NEURL4: variants seen among roughly 807,000 people sequenced by gnomAD.
The protein encoded by NEURL4 is neuralized E3 ubiquitin protein ligase 4.
NEURL4 carries 45 observed loss-of-function variants against 148.0 expected under a neutral mutation model. That is an observed-to-expected ratio of 0.30 (90% CI 0.24 to 0.39). NEURL4 has a LOEUF of 0.39. Among genes scored for constraint, NEURL4 ranks in the 10% least tolerant of loss-of-function variants. The probability of loss-of-function intolerance (pLI) is 1.00; values close to 1 mark genes in which losing one functional copy is unlikely to be tolerated. For synonymous variants in NEURL4, 854 were observed against 869.0 expected (o/e 0.98, Z 0.30); for missense variants, 1,776 against 2,144.0 (o/e 0.83, Z 3.39).
rs745865165 is a variant in NEURL4 at position 7,317,347 on chromosome 17, G to C, written c.4342C>G (p.Arg1448Gly). The part of the protein sequence containing the change: ...GAGTASILSC[R>G]PLKGEPGVGF... ...ACCCCAGGTTCTCCCTTCAAAGGAC[G>C]GCAGCTCAGGATGGAGGCAGTACCT... The change falls in exon 28 of 29, where the codon CGT (arginine) becomes GGT (glycine). Residue 1448 changes from arginine to glycine, a missense_variant. Transcript: ENST00000399464. The C allele has an allele frequency of 1.3e-6, 2 of 1,555,244 alleles. No homozygotes were observed. The highest frequency in any genetic ancestry group is 1.9e-5 in the Admixed American group (1 of 52,758).
chr17:7,327,366 C>A lies in NEURL4; in HGVS notation c.727+74G>T. 1 of 1,459,388 alleles carries A rather than the reference C, an allele frequency of 6.9e-7. No individual in the cohort carries two copies. The highest frequency in any genetic ancestry group is 9.3e-7 in the Non-Finnish European group (1 of 1,076,950). 90.4% of individuals were successfully genotyped at this position (1,459,388 alleles called of 1,614,324 possible). On this transcript the variant is annotated intron_variant, in intron 2 of 28. Coordinates refer to ENST00000399464, the MANE Select transcript of NEURL4 (RefSeq NM_032442.3). The surrounding 1 kb of genome is among the most constrained non-coding windows in gnomAD (Gnocchi z 6.6). ...GGGGATCAGGGTGGCCCTGCCCACA[C>A]CCAGCCTGTCTTGTCACTCTATTTC...
Position 7,324,273 on chromosome 17 carries a change from T to C in NEURL4, c.1900-3A>G. 6.2e-7 allele frequency: 1 copy of C among 1,613,862 alleles called. No homozygotes were observed. The highest frequency in any genetic ancestry group is 8.5e-7 in the Non-Finnish European group (1 of 1,179,876). ...ACCACGCCCACCGTGTCCCCTGCCT[T>C]GGAAGAAGGGGGTGCTGGAGTGAGG... is the stretch of plus-strand genomic sequence containing the variant. On this transcript the variant is annotated splice_region_variant and splice_polypyrimidine_tract_variant and intron_variant, in intron 10 of 28. Coordinates refer to ENST00000399464, the MANE Select transcript of NEURL4 (RefSeq NM_032442.3). The surrounding 1 kb of genome is among the most constrained non-coding windows in gnomAD (Gnocchi z 5.9).
chr17:7,328,045 T>C (rs995248466), intron 1 of NEURL4, among the ~76,000 whole-genome samples, 161 bp from the exon 2 acceptor site: 1 of 152,238 alleles, frequency 6.6e-6, no homozygotes, highest in African/African-American at 2.4e-5. Context: ...TTGGTAATTA[T>C]TTGGGCTTTC....
intron 21 of NEURL4, among the ~76,000 whole-genome samples, chr17:7,320,244 C>T (rs577480958): frequency 1.6e-3 from 239 of 146,150 alleles, no homozygotes; most frequent in Non-Finnish European, 3.0e-3. Context: ...GTGATCCTCC[C>T]ACCTCAGCCT....
In NEURL4 at chr17:7,327,324, T is replaced by C; in HGVS notation, c.728-94A>G. 2 of 1,451,238 alleles carry C rather than the reference T, an allele frequency of 1.4e-6. No homozygotes were observed. Among genetic ancestry groups the C allele is most frequent in the Non-Finnish European group, 1.9e-6 (2 of 1,075,598 alleles). 89.9% of individuals were successfully genotyped at this position (1,451,238 alleles called of 1,614,324 possible). ...ACCCCCCATCCTCTAGCTCCTGCTC[T>C]CCCATTCAACAGACTTGGGGATCAG... On this transcript the variant is annotated intron_variant, in intron 2 of 28. Transcript: ENST00000399464. This position sits in a 1 kb window ranked among gnomAD's most constrained non-coding sequence, Gnocchi z 6.6.
At position 7,321,850 on chromosome 17, in the gene NEURL4, A is replaced by G. The variant is rs780531904; in HGVS notation, c.2871+15T>C. The G allele has an allele frequency of 6.2e-7, 1 of 1,612,668 alleles. No homozygotes were observed. The highest frequency in any genetic ancestry group is 1.1e-5 in the South Asian group (1 of 91,038). The stretch of plus-strand genomic sequence containing the variant: ...ATGGGCCTCGCAGCCCCTCTGTCAC[A>G]TCACTACGGCCTACCTCAAAGACTT... On this transcript the variant is annotated intron_variant, in intron 17 of 28. Coordinates refer to ENST00000399464, the MANE Select transcript of NEURL4 (RefSeq NM_032442.3). The surrounding 1 kb of genome is among the most constrained non-coding windows in gnomAD (Gnocchi z 6.3).
Position 7,323,923 on chromosome 17 carries a change from G to A in NEURL4, c.2152C>T (p.Arg718Cys), listed in dbSNP as rs760329862. The A allele has an allele frequency of 2.1e-5, 34 of 1,613,518 alleles. No individual in the cohort carries two copies. Among genetic ancestry groups the A allele is most frequent in the Non-Finnish European group, 2.6e-5 (31 of 1,180,026 alleles). Residue 718 changes from arginine to cysteine, a missense_variant, in exon 12 of 29, where the codon CGC becomes TGC. Physicochemically the swap from Arg to Cys is radical, Grantham distance 180 (BLOSUM62 -3). Coordinates refer to ENST00000399464, the MANE Select transcript of NEURL4 (RefSeq NM_032442.3). The part of the protein sequence containing the change: ...PSSGAGGSDL[R>C]FHQLHGSNAV... ...TTACTGCCGTGCAGCTGATGGAAGC[G>A]CAGGTCAGAGCCCCCGGCCCCTGAG... is the stretch of plus-strand genomic sequence containing the variant.
Position 7,321,897 on chromosome 17 carries a change from T to A in NEURL4, c.2839A>T (p.Thr947Ser), listed in dbSNP as rs776739922. ...ACTTCCTCAGCCCTCAGCTCCTTGGTACTGAAGACAAGGCCATGAGCATAG... is the reference window on the plus strand; with the variant it reads ...ACTTCCTCAGCCCTCAGCTCCTTGGAACTGAAGACAAGGCCATGAGCATAG... ...AGYAHGLVFSTKELRAEEVFE... is the reference protein window; with the variant it reads ...AGYAHGLVFSSKELRAEEVFE... The change falls in exon 17 of 29, where the codon ACC becomes TCC. Residue 947 changes from threonine (T) to serine (S), a missense_variant. Coordinates refer to ENST00000399464, the MANE Select transcript of NEURL4 (RefSeq NM_032442.3). This position sits in a 1 kb window ranked among gnomAD's most constrained non-coding sequence, Gnocchi z 6.3. The A allele has an allele frequency of 6.2e-7, 1 of 1,613,896 alleles. No homozygotes were observed. Among genetic ancestry groups the A allele is most frequent in the South Asian group, 1.1e-5 (1 of 91,084 alleles).
chr17:7,329,140 C>T lies in NEURL4; in HGVS notation c.173G>A (p.Gly58Glu). Residue 58 changes from glycine to glutamate, a missense_variant, in exon 1 of 29, where the codon GGG (glycine) becomes GAG (glutamate). Gly to Glu is a moderately conservative substitution (Grantham distance 98). Coordinates refer to ENST00000399464, the MANE Select transcript of NEURL4 (RefSeq NM_032442.3). Reference sequence around the variant, plus strand: ...CGGCTGCTGCCGCCGCGCCGTACGCCCACAGGCCGACAGGCTCACCAAGCG... The same window carrying T: ...CGGCTGCTGCCGCCGCGCCGTACGCTCACAGGCCGACAGGCTCACCAAGCG... ...TGRLVSLSAC[G>E]RTARRQQPGQ... The T allele has an allele frequency of 2.5e-6, 4 of 1,609,162 alleles. No individual in the cohort carries two copies. Among genetic ancestry groups the T allele is most frequent in the Non-Finnish European group, 3.4e-6 (4 of 1,179,162 alleles).
At position 7,324,917 on chromosome 17, in the gene NEURL4, C is replaced by T. The variant is rs780966885; in HGVS notation, c.1695G>A (p.Val565=). The change falls in exon 9 of 29, where the codon GTG becomes GTA. Residue 565 remains valine (V), a synonymous_variant. Coordinates refer to ENST00000399464, the MANE Select transcript of NEURL4 (RefSeq NM_032442.3). This position sits in a 1 kb window ranked among gnomAD's most constrained non-coding sequence, Gnocchi z 5.9. The part of the protein sequence containing the change: ...LSSRALRDGE[V]FQVRIDKMVD... ...CCATCTTGTCGATGCGCACCTGGAA[C>T]ACCTCTCCATCCCGCAGGGCTCTGC... 1.9e-6 allele frequency: 3 copies of T among 1,614,190 alleles called. No homozygotes were observed. The highest frequency in any genetic ancestry group is 1.7e-5 in the Admixed American group (1 of 60,022).
chr17:7,328,749 A>G (rs564919782), intron 1 of NEURL4, among the ~76,000 whole-genome samples: 1 of 152,280 alleles, frequency 6.6e-6, no homozygotes, highest in Admixed American at 6.5e-5. Flanking sequence ...CTCCATGCCC[A>G]AGAAATTGTA....
At position 7,322,978 on chromosome 17, in the gene NEURL4, C is replaced by T. The variant is rs1425829489; in HGVS notation, c.2563G>A (p.Ala855Thr). 3.7e-6 allele frequency: 6 copies of T among 1,613,596 alleles called. No homozygotes were observed. Among genetic ancestry groups the T allele is most frequent in the Middle Eastern group, 1.6e-4 (1 of 6,062 alleles). Reference sequence around the variant, plus strand: ...CCCGGAGGCAGGCCCGAGCAGGCAGCGCCTTGGTCCTGGCCGTTGATGAAG... The same window carrying T: ...CCCGGAGGCAGGCCCGAGCAGGCAGTGCCTTGGTCCTGGCCGTTGATGAAG... Reference protein sequence around the residue: ...HYFINGQDQGAACSGLPPGKE... With the variant: ...HYFINGQDQGTACSGLPPGKE... Residue 855 changes from alanine to threonine, a missense_variant, in exon 15 of 29, where the codon GCT (alanine) becomes ACT (threonine). Coordinates refer to ENST00000399464, the MANE Select transcript of NEURL4 (RefSeq NM_032442.3). This position sits in a 1 kb window ranked among gnomAD's most constrained non-coding sequence, Gnocchi z 5.5.
chr17:7,325,145 G>GCTC, intron 8 of NEURL4, 64 bp downstream of exon 8: 1 of 830,654 alleles, frequency 1.2e-6, no homozygotes, highest in Non-Finnish European at 1.8e-6. Flanking sequence ...CCACTTCCTT[G>GCTC]CCCCGCCCCC....
At position 7,324,602 on chromosome 17, in the gene NEURL4, T is replaced by C. The variant is rs1047631339; in HGVS notation, c.1814-122A>G. The C allele has an allele frequency of 3.6e-6, 4 of 1,111,332 alleles. No homozygotes were observed. The highest frequency in any genetic ancestry group is 4.0e-6 in the Non-Finnish European group (3 of 754,346). The allele number at this position is 1,111,332 out of a possible 1,614,324, so 68.8% of individuals were successfully genotyped here. A position where few individuals can be genotyped will look rare whatever the true frequency, so the allele number is the denominator to read the frequency against. ...CCTTGCCTTTTCTTTGATGACTAGATTTCTTCCCTGAGCAGGACAAGAAAA... is the reference window on the plus strand; with the variant it reads ...CCTTGCCTTTTCTTTGATGACTAGACTTCTTCCCTGAGCAGGACAAGAAAA... On this transcript the variant is annotated intron_variant, in intron 9 of 28. Transcript: ENST00000399464. The surrounding 1 kb of genome is among the most constrained non-coding windows in gnomAD (Gnocchi z 5.9).
intron 21 of NEURL4, among the ~76,000 whole-genome samples, chr17:7,320,175 C>T (rs1362355363): frequency 2.0e-5 from 3 of 151,560 alleles, no homozygotes; most frequent in African/African-American, 7.3e-5. Flanking sequence ...CTCTATCTCC[C>T]AGGCTAGAGT....
Position 7,329,249 on chromosome 17 carries a change from C to G in NEURL4, c.64G>C (p.Gly22Arg). ...GGGPGPGPGG[G>R]GGPSGSGSGP... ...GAGCCGCTCCCGCTGGGGCCCCCAC[C>G]CCCGCCCGGCCCCGGTCCAGGGCCT... The change falls in exon 1 of 29, where the codon GGT becomes CGT. Residue 22 changes from glycine to arginine, a missense_variant. Transcript: ENST00000399464. 1 of 1,486,182 alleles carries G rather than the reference C, an allele frequency of 6.7e-7. No individual in the cohort carries two copies. The highest frequency in any genetic ancestry group is 8.9e-7 in the Non-Finnish European group (1 of 1,124,648). 92.1% of individuals were successfully genotyped at this position (1,486,182 alleles called of 1,614,324 possible). A position where few individuals can be genotyped will look rare whatever the true frequency, so the allele number is the denominator to read the frequency against.
In NEURL4 at chr17:7,324,749, T is replaced by C; in HGVS notation, c.1813+50A>G. 1.9e-6 allele frequency: 3 copies of C among 1,578,080 alleles called. No homozygotes were observed. Among genetic ancestry groups the C allele is most frequent in the Middle Eastern group, 3.4e-4 (2 of 5,962 alleles). ...AGAACAAGTGCCAGGGCTTTGGGGA[T>C]AGCTTCCCCCCAAAACCCTATCCTG... On this transcript the variant is annotated intron_variant, in intron 9 of 28. Coordinates refer to ENST00000399464, the MANE Select transcript of NEURL4 (RefSeq NM_032442.3). The surrounding 1 kb of genome is among the most constrained non-coding windows in gnomAD (Gnocchi z 5.9).
chr17:7,324,011 C>G lies in NEURL4; in HGVS notation c.2064G>C (p.Glu688Asp). ...AAQATIVDDV[E>D]VAPVPEPLPE... The stretch of plus-strand genomic sequence containing the variant: ...GGAGTGGTTCAGGAACTGGAGCCAC[C>G]TCTGTAAAAGTGGACATCACCCATC... The change falls in exon 12 of 29, where the codon GAG becomes GAC. Residue 688 changes from glutamate to aspartate, a missense_variant and splice_region_variant. Transcript: ENST00000399464. The surrounding 1 kb of genome is among the most constrained non-coding windows in gnomAD (Gnocchi z 5.9). 1.9e-6 allele frequency: 3 copies of G among 1,609,312 alleles called. No homozygotes were observed. Among genetic ancestry groups the G allele is most frequent in the Non-Finnish European group, 2.5e-6 (3 of 1,180,004 alleles).
At chr17:7,328,492 C>T (rs900983376) in intron 1 of NEURL4, among the ~76,000 whole-genome samples, 18 of 152,186 alleles carry the variant, frequency 1.2e-4, no homozygotes, top group Non-Finnish European at 2.1e-4. Flanking sequence ...CAACCTCTGC[C>T]TCCCGGGTTC....
Sources: gnomAD v4.1 joint callset for allele counts (sites outside exome capture counted in the v4.1 genomes callset) on GRCh38, gnomAD v4.1.1 for gene constraint, Gnocchi (gnomAD v3.1) non-coding constraint, MANE v1.5 for transcripts, NCBI Gene and HGNC (gene_info 2026-07-23, HGNC 2026-07-21) for gene names.